EVL: variants seen among roughly 807,000 people sequenced by gnomAD.
EVL encodes the protein Enah/Vasp-like, also known as ena/VASP-like protein.
In EVL, 21 loss-of-function variants were observed where a neutral mutation model predicts 59.6. That is an observed-to-expected ratio of 0.35 (90% CI 0.25 to 0.51). EVL has a LOEUF of 0.51. EVL is among the 20% of genes least tolerant of loss of function. The probability of loss-of-function intolerance (pLI) is 0.97; values close to 1 mark genes in which losing one functional copy is unlikely to be tolerated. For synonymous variants in EVL, 198 were observed against 203.5 expected, an observed-to-expected ratio of 0.97 and a Z score of 0.23; for missense variants, 462 against 546.6, an observed-to-expected ratio of 0.85 and a Z score of 1.54.
intron 1 of EVL, among the ~76,000 whole-genome samples, chr14:99,998,425 T>C (rs2140183050): frequency 6.6e-6 from 1 of 152,326 alleles, no homozygotes; most frequent in South Asian, 2.1e-4. Flanking sequence ...TATTGTCTTA[T>C]CACTTTAATG....
chr14:100,028,274 T>C (rs2140213470), intron 1 of EVL, among the ~76,000 whole-genome samples: 1 of 152,226 alleles, frequency 6.6e-6, no homozygotes, highest in African/African-American at 2.4e-5. Context: ...GGCTGTCTTT[T>C]TGATAAAACT....
chr14:100,133,829 C>T (rs1263037594), intron 8 of EVL, among the ~76,000 whole-genome samples: 2 of 152,044 alleles, frequency 1.3e-5, no homozygotes, highest in Admixed American at 1.3e-4. Flanking sequence ...CCCAGCTACT[C>T]GGGAGGCTGA....
chr14:100,013,187 C>CTA (rs1285433099), intron 1 of EVL, among the ~76,000 whole-genome samples: 4 of 152,128 alleles, frequency 2.6e-5, no homozygotes, highest in Non-Finnish European at 5.9e-5. Flanking sequence ...CCCAGGGACT[C>CTA]TCTTTGACTA....
At chr14:100,072,413 T>C (rs1369808765) in intron 1 of EVL, among the ~76,000 whole-genome samples, 1 of 152,166 alleles carries the variant, frequency 6.6e-6, no homozygotes, top group Non-Finnish European at 1.5e-5. Context: ...TTTTGTATTT[T>C]TAGTAGAGAT....
intron 3 of EVL, among the ~76,000 whole-genome samples, chr14:100,122,450 G>A (rs1030646397): frequency 1.3e-5 from 2 of 152,150 alleles, no homozygotes; most frequent in African/African-American, 4.8e-5. Flanking sequence ...GTGCCTGGAC[G>A]TTGCTCTGGT....
chr14:100,088,367 G>T (rs1360462008), intron 2 of EVL, among the ~76,000 whole-genome samples: 2 of 152,168 alleles, frequency 1.3e-5, no homozygotes, highest in Non-Finnish European at 2.9e-5. Flanking sequence ...ACATGTGAAG[G>T]CAGTACAGTC....
At chr14:100,056,027 G>T (rs1356292021) in intron 1 of EVL, among the ~76,000 whole-genome samples, 1 of 152,036 alleles carries the variant, frequency 6.6e-6, no homozygotes, top group Non-Finnish European at 1.5e-5. Context: ...GGCCGGGCTG[G>T]TCTCGAACTC....
chr14:99,971,516 G>C (rs2060731310), exon 1 of EVL: 1 of 151,716 alleles, frequency 6.6e-6, no homozygotes, highest in Admixed American at 6.6e-5. Context: ...CAGCGGCCGC[G>C]GGCGGAGGGG....
At chr14:100,048,435 G>T (rs1397902574) in intron 1 of EVL, among the ~76,000 whole-genome samples, 1 of 152,152 alleles carries the variant, frequency 6.6e-6, no homozygotes, top group Non-Finnish European at 1.5e-5. Context: ...TTAAAATTAG[G>T]ATATCATATG....
At chr14:100,073,201 C>G (rs1226929001) in intron 1 of EVL, among the ~76,000 whole-genome samples, 1 of 151,886 alleles carries the variant, frequency 6.6e-6, no homozygotes, top group Non-Finnish European at 1.5e-5. Context: ...TGAAATGGTT[C>G]TTTGTTTCCT....
rs776649695 is a variant in EVL, at chr14:100,137,604, A to T, written c.991A>T (p.Ser331Cys). 3 of 1,614,012 alleles carry T rather than the reference A, an allele frequency of 1.9e-6. 1 individual carries two copies. The South Asian group carries it at 3.3e-5, about 18-fold the overall frequency. ...GGCTGGCCGGAAGCCCTGGGAGCGG[A>T]GCAACTCGGTGGAGAAGCCTGTGTC... The part of the protein sequence containing the change: ...SEAGRKPWER[S>C]NSVEKPVSSI... Residue 331 changes from serine (S) to cysteine (C), a missense_variant, in exon 10 of 14, where the codon AGC becomes TGC. By Grantham distance (112) the Ser-to-Cys change is moderately radical. Coordinates refer to ENST00000392920, the MANE Select transcript of EVL (RefSeq NM_016337.3).
chr14:100,008,142 A>G (rs1403823810), intron 1 of EVL, among the ~76,000 whole-genome samples: 1 of 152,130 alleles, frequency 6.6e-6, no homozygotes, highest in African/African-American at 2.4e-5. Flanking sequence ...ATGCGTTAGA[A>G]TCCCCAGGAG....
At chr14:100,135,875 C>G in intron 8 of EVL, 30 bp from the exon 9 acceptor site, 1 of 1,613,210 alleles carries the variant, frequency 6.2e-7, no homozygotes, top group Non-Finnish European at 8.5e-7. Flanking sequence ...GGTGGCCTTC[C>G]TAAACAGACT....
chr14:100,079,475 C>T (rs1567003193), intron 1 of EVL, among the ~76,000 whole-genome samples: 1 of 152,170 alleles, frequency 6.6e-6, no homozygotes, highest in Non-Finnish European at 1.5e-5. Flanking sequence ...GGTGCAGACA[C>T]CTCAGCAGAT....
intron 3 of EVL, chr14:100,107,260 G>C (rs957628805): frequency 3.3e-5 from 13 of 398,592 alleles, no homozygotes; most frequent in African/African-American, 2.7e-4. Flanking sequence ...GGCCCTGGTG[G>C]CACTTGAGGC....
At chr14:99,996,215 T>C (rs2060912768) in intron 1 of EVL, among the ~76,000 whole-genome samples, 1 of 152,010 alleles carries the variant, frequency 6.6e-6, no homozygotes, top group African/African-American at 2.4e-5. Context: ...GGAAAGTATA[T>C]GCCATGAACT....
intron 7 of EVL, among the ~76,000 whole-genome samples, chr14:100,132,033 C>T (rs1888467745): frequency 1.3e-5 from 2 of 152,018 alleles, no homozygotes; most frequent in African/African-American, 2.4e-5. Context: ...GCCACAGAAG[C>T]GTATCTCTGG....
At chr14:100,120,653 C>A (rs1402863866) in intron 3 of EVL, among the ~76,000 whole-genome samples, 1 of 152,140 alleles carries the variant, frequency 6.6e-6, no homozygotes, top group Non-Finnish European at 1.5e-5. Flanking sequence ...ATGGTGGGGC[C>A]GGGCCCAGTG....
intron 1 of EVL, among the ~76,000 whole-genome samples, chr14:100,003,265 C>G (rs2060957098): frequency 6.6e-6 from 1 of 152,136 alleles, no homozygotes; most frequent in East Asian, 1.9e-4. Flanking sequence ...GAAGATGAGG[C>G]TTTAATTGCT....
Sources: allele counts gnomAD v4.1 joint callset (sites outside exome capture counted in the v4.1 genomes callset), GRCh38; gene constraint gnomAD v4.1.1; transcripts MANE v1.5; gene names NCBI Gene and HGNC (gene_info 2026-07-23, HGNC 2026-07-21).